ZNF777: variants seen among roughly 807,000 people sequenced by gnomAD.
The protein encoded by ZNF777 is zinc finger protein 777.
A neutral mutation model predicts 72.1 loss-of-function variants in ZNF777; 7 were observed. That is an observed-to-expected ratio of 0.10 (90% CI 0.06 to 0.18). ZNF777 has a LOEUF of 0.18. Ranked by LOEUF, ZNF777 falls within the 10% of genes least tolerant of loss-of-function variation. The pLI is 1.00. For synonymous variants in ZNF777, 545 were observed against 483.5 expected (o/e 1.13, Z -1.67); for missense variants, 828 against 1,128.6 (o/e 0.73, Z 3.82).
chr7:149,441,449 T>C (rs1469005024), intron 4 of ZNF777, among the ~76,000 whole-genome samples: 1 of 152,242 alleles, frequency 6.6e-6, no homozygotes, highest in Non-Finnish European at 1.5e-5. Flanking sequence ...TGTAACCCTA[T>C]GGCACTTCAG....
chr7:149,435,398 T>G (rs936578266), intron 5 of ZNF777, among the ~76,000 whole-genome samples: 1 of 152,144 alleles, frequency 6.6e-6, no homozygotes, highest in African/African-American at 2.4e-5. Context: ...CATGAACTCC[T>G]GGGCTCAAGC....
intron 4 of ZNF777, among the ~76,000 whole-genome samples, chr7:149,445,117 A>G (rs1332787959): frequency 6.6e-6 from 1 of 150,948 alleles, no homozygotes; most frequent in African/African-American, 2.4e-5. Context: ...ATGTGTGCTT[A>G]TCCTCCAACA....
At chr7:149,443,008 A>T (rs1238312631) in intron 4 of ZNF777, among the ~76,000 whole-genome samples, 2 of 152,210 alleles carry the variant, frequency 1.3e-5, no homozygotes, top group African/African-American at 2.4e-5. Flanking sequence ...ATTTGCCAGG[A>T]TCTATTAAAT....
rs770696766 is a variant in ZNF777, at chr7:149,455,990, G to T, written c.33C>A (p.Phe11Leu). The change falls in exon 2 of 6, where the codon TTC becomes TTA. Residue 11 changes from phenylalanine (F) to leucine (L), a missense_variant. By Grantham distance (22) the Phe-to-Leu change is conservative. Transcript: ENST00000247930. The surrounding 1 kb of genome is among the most constrained non-coding windows in gnomAD (Gnocchi z 4.2). ...AGGTTTCTTCTTGTGGAACACTGGG[G>T]AACGACAGAGGTGATGAGCGTTGGT... Reference protein sequence around the residue: MENQRSSPLSFPSVPQEETLR... With the variant: MENQRSSPLSLPSVPQEETLR... The T allele has an allele frequency of 3.0e-5, 48 of 1,605,806 alleles. No homozygotes were observed. The highest frequency in any genetic ancestry group is 3.7e-5 in the Non-Finnish European group (44 of 1,175,708).
At chr7:149,446,031 T>A (rs1263683749) in intron 4 of ZNF777, among the ~76,000 whole-genome samples, 1 of 152,248 alleles carries the variant, frequency 6.6e-6, no homozygotes, top group Non-Finnish European at 1.5e-5. Context: ...GCTTCAGGGC[T>A]GAAAAACTTC....
chr7:149,456,793 G>A (rs1799841511), intron 1 of ZNF777, among the ~76,000 whole-genome samples: 2 of 152,206 alleles, frequency 1.3e-5, no homozygotes. Context: ...ATATCAATGA[G>A]TCAGTATGGT....
chr7:149,435,914 A>G (rs1006358301), intron 5 of ZNF777, among the ~76,000 whole-genome samples: 1 of 152,262 alleles, frequency 6.6e-6, no homozygotes, highest in Non-Finnish European at 1.5e-5. Context: ...TTATTACCTA[A>G]GTCCAATAGT....
intron 5 of ZNF777, among the ~76,000 whole-genome samples, chr7:149,435,578 A>G (rs1016304897): frequency 1.3e-5 from 2 of 152,208 alleles, no homozygotes; most frequent in African/African-American, 4.8e-5. Flanking sequence ...GATAATTTTT[A>G]AACACTTTAC....
At chr7:149,450,647 C>T (rs1799696113) in intron 4 of ZNF777, among the ~76,000 whole-genome samples, 1 of 152,226 alleles carries the variant, frequency 6.6e-6, no homozygotes, top group Non-Finnish European at 1.5e-5. Flanking sequence ...ACCTGCAGGA[C>T]TCAGGGATGT....
intron 5 of ZNF777, 128 bp from the exon 6 acceptor site, chr7:149,433,060 G>A (rs1005428888): frequency 2.6e-5 from 36 of 1,372,266 alleles, no homozygotes; most frequent in Non-Finnish European, 3.2e-5. Context: ...CCTTCTTTTG[G>A]GAAAAGTCCC....
intron 1 of ZNF777, chr7:149,459,777 G>A (rs1268375923): frequency 2.0e-6 from 2 of 985,022 alleles, no homozygotes; most frequent in South Asian, 4.7e-5. Context: ...AGGCTCCGCG[G>A]GGCCGAGCTC....
rs1013470845 is a variant in ZNF777 at position 149,456,106 on chromosome 7, A to C, written c.-15-69T>G. 3.4e-6 allele frequency: 5 copies of C among 1,490,512 alleles called. No homozygotes were observed. The African/African-American group carries it at 4.2e-5, about 13-fold the overall frequency. 92.3% of individuals were successfully genotyped at this position (1,490,512 alleles called of 1,614,324 possible). ...CTCCAGCTAGCAAAATAAAACCCAAAGACAAGTATACACATAAAAAGTGCT... is the reference window on the plus strand; with the variant it reads ...CTCCAGCTAGCAAAATAAAACCCAACGACAAGTATACACATAAAAAGTGCT... On this transcript the variant is annotated intron_variant, in intron 1 of 5. Transcript: ENST00000247930.
intron 3 of ZNF777, among the ~76,000 whole-genome samples, chr7:149,451,416 T>C (rs967344743): frequency 2.6e-5 from 4 of 151,900 alleles, no homozygotes; most frequent in East Asian, 1.9e-4. Flanking sequence ...CCTGGCCGGG[T>C]GCAGTGGCTC....
Position 149,432,928 on chromosome 7 carries a change from C to T in ZNF777, c.1344G>A (p.Gly448=). ...CTTGTTCCTCTGTCTTGATCACGAT[C>T]CCCTCTGCTCCAGGGACAGAGAGAG... The part of the protein sequence containing the change: ...MLVQQRNCTE[G]IVIKTEEQDE... The change falls in exon 6 of 6, where the codon GGG becomes GGA. Residue 448 remains glycine, a synonymous_variant. Transcript: ENST00000247930. 6.8e-7 allele frequency: 1 copy of T among 1,470,180 alleles called. No individual in the cohort carries two copies. Among genetic ancestry groups the T allele is most frequent in the East Asian group, 2.4e-5 (1 of 40,992 alleles). 91.1% of individuals were successfully genotyped at this position (1,470,180 alleles called of 1,614,324 possible).
chr7:149,459,709 C>T (rs1799907131), intron 1 of ZNF777: 8 of 985,038 alleles, frequency 8.1e-6, no homozygotes, highest in Non-Finnish European at 9.6e-6. Context: ...GTCTGTGCCT[C>T]AGTGTCTCCG....
rs374106799 is a variant in ZNF777, at chr7:149,454,095, G to A, written c.973+16C>T. ...GGCGTCCAGGCAGCCCCCAGCGAGC[G>A]AAGGCTTCTCCTTACCCATGGAAAC... On this transcript the variant is annotated intron_variant, in intron 3 of 5. Transcript: ENST00000247930. The A allele has an allele frequency of 4.3e-5, 70 of 1,613,884 alleles. No homozygotes were observed. The highest frequency in any genetic ancestry group is 5.6e-5 in the Non-Finnish European group (66 of 1,179,946).
intron 5 of ZNF777, among the ~76,000 whole-genome samples, chr7:149,433,756 C>G (rs1293514124): frequency 6.6e-6 from 1 of 152,238 alleles, no homozygotes; most frequent in African/African-American, 2.4e-5. Context: ...CAGGTGCAGG[C>G]AGTGCATGCC....
intron 1 of ZNF777, among the ~76,000 whole-genome samples, chr7:149,457,533 G>A (rs1266969132): frequency 6.6e-6 from 1 of 152,182 alleles, no homozygotes. Flanking sequence ...CGTTCCTTTA[G>A]TCACCTATCA....
intron 2 of ZNF777, among the ~76,000 whole-genome samples, chr7:149,454,599 G>C (rs1799784852): frequency 6.6e-6 from 1 of 152,178 alleles, no homozygotes; most frequent in South Asian, 2.1e-4. Flanking sequence ...AACAGAGTCT[G>C]TTTTCTCCCT....
Sources: allele counts gnomAD v4.1 joint callset (sites outside exome capture counted in the v4.1 genomes callset), GRCh38; gene constraint gnomAD v4.1.1; non-coding constraint Gnocchi (gnomAD v3.1); transcripts MANE v1.5; gene names NCBI Gene and HGNC (gene_info 2026-07-23, HGNC 2026-07-21).